PDCD10: variants seen among roughly 807,000 people sequenced by gnomAD.
The protein encoded by PDCD10 is programmed cell death 10.
A neutral mutation model predicts 29.2 loss-of-function variants in PDCD10; 4 were observed. The ratio of observed to expected loss-of-function variants is 0.14; its 90% CI spans 0.07 to 0.31. PDCD10 has a LOEUF of 0.31. Ranked by LOEUF, PDCD10 falls within the 10% of genes least tolerant of loss-of-function variation. PDCD10 has a pLI of 1.00. For synonymous variants in PDCD10, 70 were observed against 82.2 expected, an observed-to-expected ratio of 0.85 and a Z score of 0.80; for missense variants, 183 against 257.9, an observed-to-expected ratio of 0.71 and a Z score of 1.99.
At chr3:167,685,734 T>G (rs1281942611) in intron 8 of PDCD10, among the ~76,000 whole-genome samples, 1 of 152,170 alleles carries the variant, frequency 6.6e-6, no homozygotes, top group African/African-American at 2.4e-5. Flanking sequence ...AATAATCCCA[T>G]CATGTAAATT....
chr3:167,721,627 T>C (rs1037018175), intron 2 of PDCD10, among the ~76,000 whole-genome samples: 3 of 152,196 alleles, frequency 2.0e-5, no homozygotes, highest in Admixed American at 1.3e-4. Flanking sequence ...CTGCTTAGTA[T>C]TCCACCATAT....
intron 4 of PDCD10, among the ~76,000 whole-genome samples, chr3:167,700,212 A>G (rs1037158888): frequency 1.3e-5 from 2 of 152,194 alleles, no homozygotes; most frequent in Non-Finnish European, 2.9e-5. Flanking sequence ...TAAGTATATG[A>G]TTAAAACGCC....
intron 3 of PDCD10, among the ~76,000 whole-genome samples, chr3:167,709,705 G>A (rs972674998): frequency 1.6e-4 from 24 of 152,266 alleles, no homozygotes; most frequent in African/African-American, 5.5e-4. Context: ...TGTGCTTAGA[G>A]CCAGTGGACT....
At chr3:167,704,754 A>G in intron 4 of PDCD10, 88 bp downstream of exon 4, 2 of 933,556 alleles carry the variant, frequency 2.1e-6, no homozygotes, top group Non-Finnish European at 3.5e-6. Flanking sequence ...GCTTTCCCTT[A>G]AAGAAAATAA....
intron 2 of PDCD10, among the ~76,000 whole-genome samples, chr3:167,733,863 C>A (rs1399392592): frequency 6.6e-6 from 1 of 152,156 alleles, no homozygotes; most frequent in African/African-American, 2.4e-5. Context: ...TCATTTAATA[C>A]ACCCCTAAAA....
chr3:167,698,602 A>C (rs1721054166), intron 4 of PDCD10, among the ~76,000 whole-genome samples: 1 of 152,222 alleles, frequency 6.6e-6, no homozygotes, highest in Admixed American at 6.5e-5. Flanking sequence ...AGATGTCCAA[A>C]TATGGCTTAA....
At chr3:167,726,185 C>T (rs555118952) in intron 2 of PDCD10, among the ~76,000 whole-genome samples, 1 of 141,364 alleles carries the variant, frequency 7.1e-6, no homozygotes, top group East Asian at 2.2e-4. Context: ...CAGTGGCGTA[C>T]CTCCACCCAG....
intron 3 of PDCD10, among the ~76,000 whole-genome samples, chr3:167,705,533 A>G (rs1721888690): frequency 6.6e-6 from 1 of 152,188 alleles, no homozygotes; most frequent in Non-Finnish European, 1.5e-5. Context: ...GATCTCTAAC[A>G]CATTAAATCA....
At chr3:167,714,715 C>A (rs150068749) in intron 3 of PDCD10, among the ~76,000 whole-genome samples, 1,599 of 151,794 alleles carry the variant, frequency 0.011, 14 homozygotes, top group Middle Eastern at 0.037. Flanking sequence ...AAATTTAATA[C>A]CAAGGAATTA....
At chr3:167,698,928 TC>T (rs1721088611) in intron 4 of PDCD10, among the ~76,000 whole-genome samples, 1 of 152,204 alleles carries the variant, frequency 6.6e-6, no homozygotes, top group Non-Finnish European at 1.5e-5. Flanking sequence ...CCTAACTTTC[TC>T]AGTTTTCAGT....
intron 3 of PDCD10, 41 bp downstream of exon 3, chr3:167,720,021 G>A (rs1180391963): frequency 2.6e-6 from 3 of 1,150,850 alleles, no homozygotes; most frequent in African/African-American, 1.5e-5. Flanking sequence ...AGGAATTAAA[G>A]AATTGCAGAG....
intron 3 of PDCD10, among the ~76,000 whole-genome samples, chr3:167,717,163 T>G (rs1723106114): frequency 6.6e-6 from 1 of 152,000 alleles, no homozygotes; most frequent in Non-Finnish European, 1.5e-5. Flanking sequence ...TGGCATAGCT[T>G]TATTAAGTCT....
At chr3:167,702,838 C>T (rs1721582769) in intron 4 of PDCD10, among the ~76,000 whole-genome samples, 1 of 152,060 alleles carries the variant, frequency 6.6e-6, no homozygotes, top group African/African-American at 2.4e-5. Context: ...TGAAATGTAA[C>T]AAACTAAATG....
chr3:167,733,300 C>T (rs1725006074), intron 2 of PDCD10, among the ~76,000 whole-genome samples: 1 of 152,164 alleles, frequency 6.6e-6, no homozygotes, highest in African/African-American at 2.4e-5. Flanking sequence ...AATGAACATA[C>T]TCTAACAATT....
chr3:167,716,874 C>T (rs1420932847), intron 3 of PDCD10, among the ~76,000 whole-genome samples: 1 of 151,794 alleles, frequency 6.6e-6, no homozygotes, highest in African/African-American at 2.4e-5. Context: ...AAAACAATTC[C>T]TCTAAATGGT....
chr3:167,703,268 AAAC>A (rs1322636083), intron 4 of PDCD10, among the ~76,000 whole-genome samples: 1 of 152,108 alleles, frequency 6.6e-6, no homozygotes, highest in Non-Finnish European at 1.5e-5. Flanking sequence ...TCAAAGAAGA[AAAC>A]AACAATAAAA....
chr3:167,718,948 C>T (rs922532863), intron 3 of PDCD10, among the ~76,000 whole-genome samples: 2 of 151,950 alleles, frequency 1.3e-5, no homozygotes, highest in African/African-American at 2.4e-5. Context: ...GTTGTCAAAC[C>T]TAACATTACT....
chr3:167,723,672 A>G (rs1723807953), intron 2 of PDCD10, among the ~76,000 whole-genome samples: 1 of 152,222 alleles, frequency 6.6e-6, no homozygotes, highest in East Asian at 1.9e-4. Context: ...TCACGTTTCA[A>G]ATGTGCTGCT....
At chr3:167,702,420 AT>A (rs1198600468) in intron 4 of PDCD10, among the ~76,000 whole-genome samples, 6 of 152,204 alleles carry the variant, frequency 3.9e-5, no homozygotes, top group African/African-American at 1.4e-4. Flanking sequence ...ACAGTATGTA[AT>A]ATATAGGATA....
Sources: gnomAD v4.1 joint callset for allele counts (sites outside exome capture counted in the v4.1 genomes callset) on GRCh38, gnomAD v4.1.1 for gene constraint, MANE v1.5 for transcripts, NCBI Gene and HGNC (gene_info 2026-07-23, HGNC 2026-07-21) for gene names.